Variants in INTS4 observed in about 807,000 individuals in gnomAD.
The protein encoded by INTS4 is integrator complex subunit 4.
A neutral mutation model predicts 119.5 loss-of-function variants in INTS4; 70 were observed. The ratio of observed to expected loss-of-function variants is 0.59; its 90% CI spans 0.48 to 0.71. The LOEUF is 0.71. INTS4 is among the 30% of genes least tolerant of loss of function. INTS4 has a pLI of 0.00. For missense variants in INTS4, 867 were observed against 1,173.2 expected (o/e 0.74, Z 3.81); for synonymous variants, 316 against 419.6 (o/e 0.75, Z 3.02).
intron 16 of INTS4, among the ~76,000 whole-genome samples, 163 bp from the exon 17 acceptor site, chr11:77,903,783 A>T (rs1267091028): frequency 6.6e-6 from 1 of 152,216 alleles, no homozygotes; most frequent in Non-Finnish European, 1.5e-5. Context: ...ATGGAGAAAG[A>T]TGAGACCAAT....
chr11:77,881,719 C>T lies in INTS4; in HGVS notation c.2713+2113G>A, dbSNP rs567749814. Among the ~76,000 whole-genome samples the T allele has an allele frequency of 2.6e-5, 4 of 152,308 alleles. No individual in the cohort carries two copies. The South Asian group carries it at 8.3e-4, about 32-fold the overall frequency. ...ACAGGCTACTAAAACAATGGAGATA[C>T]AGAGGCAAAGACAAGCAAGTTCCCT... On this transcript the variant is annotated intron_variant, in intron 22 of 22. Coordinates refer to ENST00000534064, the MANE Select transcript of INTS4 (RefSeq NM_033547.4).
chr11:77,876,877 C>T (rs1426693800), downstream of INTS4: 9 of 660,666 alleles, frequency 1.4e-5, no homozygotes, highest in East Asian at 1.9e-4. Flanking sequence ...CATATTCTTC[C>T]CTTAGAAGGT....
At chr11:77,886,861 C>T (rs551445658) in intron 21 of INTS4, among the ~76,000 whole-genome samples, 4 of 152,024 alleles carry the variant, frequency 2.6e-5, no homozygotes, top group African/African-American at 7.2e-5. Flanking sequence ...GGGTACATAA[C>T]GAAATGAAGG....
chr11:77,952,641 T>C (rs1954223544), intron 8 of INTS4, among the ~76,000 whole-genome samples: 1 of 152,216 alleles, frequency 6.6e-6, no homozygotes. Context: ...TAATTACTTA[T>C]ATAATTTGAA....
downstream of INTS4, among the ~76,000 whole-genome samples, chr11:77,878,195 T>C (rs549056894): frequency 1.2e-3 from 175 of 152,094 alleles, no homozygotes; most frequent in African/African-American, 3.9e-3. Flanking sequence ...ACCCCGTCTC[T>C]ACTAAAAATA....
intron 15 of INTS4, among the ~76,000 whole-genome samples, chr11:77,917,743 T>C (rs1953237960): frequency 1.3e-5 from 2 of 151,902 alleles, no homozygotes; most frequent in South Asian, 4.2e-4. Context: ...CTGCTTTTGC[T>C]AAAAGCAAAT....
rs187849201 is a variant in INTS4 at position 77,921,957 on chromosome 11, G to A, written c.1630+399C>T. 8.5e-4 allele frequency among the ~76,000 whole-genome samples: 129 copies of A among 152,300 alleles called. 1 individual carries two copies. Among genetic ancestry groups the A allele is most frequent in the African/African-American group, 3.0e-3 (124 of 41,558 alleles). On this transcript the variant is annotated intron_variant, in intron 13 of 22. Coordinates refer to ENST00000534064, the MANE Select transcript of INTS4 (RefSeq NM_033547.4). ...GAGCCAGGAGAATCATTTGAATCCG[G>A]GAGGCGGAGGTTGCAGTGAGCTGGG...
At chr11:77,988,743 T>C (rs181623355) in intron 2 of INTS4, among the ~76,000 whole-genome samples, 5 of 152,328 alleles carry the variant, frequency 3.3e-5, no homozygotes, top group Middle Eastern at 3.4e-3. Flanking sequence ...ACAAAGCCTA[T>C]AGATCTAACT....
At chr11:77,910,650 T>TA (rs1267782589) in intron 15 of INTS4, among the ~76,000 whole-genome samples, 1 of 152,264 alleles carries the variant, frequency 6.6e-6, no homozygotes, top group East Asian at 1.9e-4. Context: ...AGTTAATACA[T>TA]ACTTAAGGTA....
intron 15 of INTS4, among the ~76,000 whole-genome samples, chr11:77,917,504 G>A (rs923333101): frequency 1.6e-4 from 25 of 151,612 alleles, no homozygotes; most frequent in African/African-American, 5.6e-4. Context: ...AGTAGAGATG[G>A]GGTTTCACTC....
At chr11:77,884,087 T>C (rs1470117803) in intron 21 of INTS4, 135 bp from the exon 22 acceptor site, 7 of 819,504 alleles carry the variant, frequency 8.5e-6, no homozygotes, top group Non-Finnish European at 1.3e-5. Flanking sequence ...GCCTTGGGGG[T>C]AGGTCAACAC....
intron 2 of INTS4, 76 bp downstream of exon 2, chr11:77,991,032 T>C (rs1382783651): frequency 8.7e-6 from 11 of 1,263,440 alleles, no homozygotes; most frequent in Non-Finnish European, 1.2e-5. Context: ...CCCTATTTAT[T>C]TGTAATATTA....
downstream of INTS4, among the ~76,000 whole-genome samples, chr11:77,875,548 A>G (rs1951571717): frequency 6.6e-6 from 1 of 152,148 alleles, no homozygotes; most frequent in African/African-American, 2.4e-5. Context: ...CTTCTCCAAC[A>G]GAGAATGTGC....
intron 18 of INTS4, among the ~76,000 whole-genome samples, chr11:77,897,086 T>C (rs1028964531): frequency 6.6e-6 from 1 of 151,280 alleles, no homozygotes; most frequent in Non-Finnish European, 1.5e-5. Flanking sequence ...CCCAATAAAA[T>C]AAATAAATAA....
At chr11:77,950,431 G>A (rs943225514) in intron 8 of INTS4, among the ~76,000 whole-genome samples, 1 of 151,868 alleles carries the variant, frequency 6.6e-6, no homozygotes, top group African/African-American at 2.4e-5. Flanking sequence ...GGAGGGGAGG[G>A]AGTAGGAGAG....
rs781257703 is a variant in INTS4 at position 77,990,686 on chromosome 11, C to CAAA, written c.246+419_246+421dup. 6.0e-4 allele frequency among the ~76,000 whole-genome samples: 59 copies of CAAA among 98,390 alleles called. 2 individuals are homozygous for CAAA. The highest frequency in any genetic ancestry group is 1.7e-3 in the East Asian group (6 of 3,478). 64.5% of individuals were successfully genotyped at this position (98,390 alleles called of 152,430 possible). Reference sequence around the variant, plus strand: ...GGGCAACAGAGCGAGACTCTGTCTCCAAAAAAAAAAAAAAAAAAATGTATT... The same window carrying CAAA: ...GGGCAACAGAGCGAGACTCTGTCTCCAAAAAAAAAAAAAAAAAAAAAATGTATT... On this transcript the variant is annotated intron_variant, in intron 2 of 22. Transcript: ENST00000534064.
At chr11:77,920,414 C>G (rs1565245128) in intron 14 of INTS4, among the ~76,000 whole-genome samples, 1 of 151,348 alleles carries the variant, frequency 6.6e-6, no homozygotes, top group Non-Finnish European at 1.5e-5. Context: ...ACCTGAGCCA[C>G]AGCATTCACG....
intron 4 of INTS4, among the ~76,000 whole-genome samples, chr11:77,975,133 A>C (rs561572845): frequency 3.2e-4 from 49 of 151,660 alleles, no homozygotes; most frequent in Non-Finnish European, 6.6e-4. Flanking sequence ...CACATGCTTT[A>C]AGTTTAATGG....
chr11:77,920,390 G>A (rs1953329382), intron 14 of INTS4, among the ~76,000 whole-genome samples: 1 of 150,996 alleles, frequency 6.6e-6, no homozygotes, highest in Admixed American at 6.6e-5. Flanking sequence ...TGCAAATAGA[G>A]AGATTGGAAG....
Sources: gnomAD v4.1 joint callset for allele counts (sites outside exome capture counted in the v4.1 genomes callset) on GRCh38, gnomAD v4.1.1 for gene constraint, MANE v1.5 for transcripts, NCBI Gene and HGNC (gene_info 2026-07-23, HGNC 2026-07-21) for gene names.